Variants in ITGB3 observed in about 807,000 individuals in gnomAD.
ITGB3 encodes integrin subunit beta 3, also known as integrin beta-3.
ITGB3 carries 48 observed loss-of-function variants against 85.8 expected under a neutral mutation model. That is an observed-to-expected ratio of 0.56 (90% CI 0.44 to 0.71). ITGB3 has a LOEUF of 0.71. Among genes scored for constraint, ITGB3 ranks in the 30% least tolerant of loss-of-function variants. The pLI is 0.00. For missense variants in ITGB3, 861 were observed against 1,019.1 expected, an observed-to-expected ratio of 0.84 and a Z score of 2.11; for synonymous variants, 363 against 395.6, an observed-to-expected ratio of 0.92 and a Z score of 0.98.
intron 6 of ITGB3, among the ~76,000 whole-genome samples, chr17:47,287,607 A>T (rs889196345): frequency 6.6e-6 from 1 of 151,748 alleles, no homozygotes. Context: ...AAGACAGAGG[A>T]AAAAAAAGAG....
chr17:47,293,051 A>C (rs1255799638), intron 10 of ITGB3, among the ~76,000 whole-genome samples: 1 of 152,176 alleles, frequency 6.6e-6, no homozygotes, highest in Admixed American at 6.5e-5. Flanking sequence ...TGGCTATTTA[A>C]ATTAACCAAA....
chr17:47,261,793 T>G (rs781441503), intron 1 of ITGB3, among the ~76,000 whole-genome samples: 1 of 152,250 alleles, frequency 6.6e-6, no homozygotes, highest in Non-Finnish European at 1.5e-5. Context: ...GTGCTGGGAT[T>G]ACACGCATAA....
At chr17:47,296,345 T>A (rs1478811705) in intron 10 of ITGB3, among the ~76,000 whole-genome samples, 1 of 152,206 alleles carries the variant, frequency 6.6e-6, no homozygotes, top group East Asian at 1.9e-4. Context: ...GTGATCCTTC[T>A]GCCTTAGTCT....
chr17:47,302,721 A>G lies in ITGB3; in HGVS notation c.2015A>G (p.Lys672Arg). ...RDEIESVKEL[K>R]DTGKDAVNCT... ...ATTCCTCCATTTTCCCTACTCCCAG[A>G]GGACACTGGCAAGGATGCAGTGAAT... The change falls in exon 13 of 15, where the codon AAG (lysine) becomes AGG (arginine). Residue 672 changes from lysine (K) to arginine (R), a missense_variant and splice_region_variant. By Grantham distance (26) the Lys-to-Arg change is conservative. Coordinates refer to ENST00000559488, the MANE Select transcript of ITGB3 (RefSeq NM_000212.3). 4 of 1,614,144 alleles carry G rather than the reference A, an allele frequency of 2.5e-6. No individual in the cohort carries two copies. The highest frequency in any genetic ancestry group is 3.4e-6 in the Non-Finnish European group (4 of 1,179,982).
Position 47,291,027 on chromosome 17 carries a change from G to T in ITGB3, c.1199G>T (p.Cys400Phe). 1 of 1,614,080 alleles carries T rather than the reference G, an allele frequency of 6.2e-7. No homozygotes were observed. The highest frequency in any genetic ancestry group is 8.5e-7 in the Non-Finnish European group (1 of 1,179,962). The part of the protein sequence containing the change: ...EELSLSFNAT[C>F]LNNEVIPGLK... ...TTGTCTCTATCCTTCAATGCCACCT[G>T]CCTCAACAATGAGGTCATCCCTGGC... Residue 400 changes from cysteine to phenylalanine, a missense_variant, in exon 9 of 15, where the codon TGC (cysteine) becomes TTC (phenylalanine). Transcript: ENST00000559488.
At chr17:47,294,707 C>G (rs1280363593) in intron 10 of ITGB3, among the ~76,000 whole-genome samples, 1 of 152,226 alleles carries the variant, frequency 6.6e-6, no homozygotes, top group East Asian at 1.9e-4. Flanking sequence ...AGCACTTGCT[C>G]TGTGCCATCA....
intron 2 of ITGB3, among the ~76,000 whole-genome samples, chr17:47,278,444 G>A (rs1028173329): frequency 3.9e-5 from 6 of 152,262 alleles, no homozygotes; most frequent in African/African-American, 1.4e-4. Context: ...GCTGGGCGTG[G>A]TGGCGCAGGC....
rs1380267799 is a variant in ITGB3, at chr17:47,286,377, C to T, written c.732C>T (p.Ala244=). Reference sequence around the variant, plus strand: ...AGAGTGTGTCACGGAACCGAGATGCCCCAGAGGGTGGCTTTGATGCCATCA... The same window carrying T: ...AGAGTGTGTCACGGAACCGAGATGCTCCAGAGGGTGGCTTTGATGCCATCA... ...KKQSVSRNRD[A]PEGGFDAIMQ... The change falls in exon 5 of 15, where the codon GCC becomes GCT. Residue 244 remains alanine (A), a synonymous_variant. Transcript: ENST00000559488. 1 of 1,614,116 alleles carries T rather than the reference C, an allele frequency of 6.2e-7. No individual in the cohort carries two copies. The highest frequency in any genetic ancestry group is 8.5e-7 in the Non-Finnish European group (1 of 1,180,030).
At chr17:47,272,724 TTTC>T (rs2065049708) in intron 1 of ITGB3, among the ~76,000 whole-genome samples, 2 of 126,496 alleles carry the variant, frequency 1.6e-5, no homozygotes, top group Admixed American at 7.5e-5. Flanking sequence ...TCTTTCTTTC[TTTC>T]GTTCTTTCTT....
At chr17:47,278,355 C>T (rs1376879420) in intron 2 of ITGB3, among the ~76,000 whole-genome samples, 1 of 152,140 alleles carries the variant, frequency 6.6e-6, no homozygotes, top group Non-Finnish European at 1.5e-5. Context: ...CCAAAGTGGG[C>T]AGATCACTTG....
chr17:47,257,955 C>T (rs769029995), intron 1 of ITGB3, among the ~76,000 whole-genome samples: 2 of 152,134 alleles, frequency 1.3e-5, no homozygotes, highest in Non-Finnish European at 2.9e-5. Context: ...ATTTCCTGAT[C>T]GAAATTTCTC....
intron 1 of ITGB3, among the ~76,000 whole-genome samples, chr17:47,257,154 T>C (rs1304643018): frequency 6.6e-6 from 1 of 152,242 alleles, no homozygotes; most frequent in Non-Finnish European, 1.5e-5. Flanking sequence ...ATTCTTCCTA[T>C]CCATGCTATC....
Position 47,302,783 on chromosome 17 carries a change from T to G in ITGB3, c.2077T>G (p.Phe693Val). The G allele has an allele frequency of 6.2e-7, 1 of 1,614,134 alleles. No individual in the cohort carries two copies. ...YKNEDDCVVRFQYYEDSSGKS... is the reference protein window; with the variant it reads ...YKNEDDCVVRVQYYEDSSGKS... ...GAATGAGGATGACTGTGTCGTCAGA[T>G]TCCAGTACTATGAAGATTCTAGTGG... The change falls in exon 13 of 15, where the codon TTC becomes GTC. Residue 693 changes from phenylalanine to valine, a missense_variant. By Grantham distance (50) the Phe-to-Val change is conservative (BLOSUM62 -1). Coordinates refer to ENST00000559488, the MANE Select transcript of ITGB3 (RefSeq NM_000212.3).
Position 47,299,777 on chromosome 17 carries a change from C to A in ITGB3, c.1913+247C>A, listed in dbSNP as rs115013712. On this transcript the variant is annotated intron_variant, in intron 11 of 14. Coordinates refer to ENST00000559488, the MANE Select transcript of ITGB3 (RefSeq NM_000212.3). The surrounding 1 kb of genome is among the most constrained non-coding windows in gnomAD (Gnocchi z 5.1). The stretch of plus-strand genomic sequence containing the variant: ...AGAATGTCCTCTCCTAGGGTGACAT[C>A]CTGACTCCCTCTGAGCTGGGAGGAA... 7.6e-3 allele frequency among the ~76,000 whole-genome samples: 1,152 copies of A among 152,330 alleles called. 18 individuals are homozygous for A. The highest frequency in any genetic ancestry group is 0.025 in the African/African-American group (1,059 of 41,578).
At position 47,300,340 on chromosome 17, in the gene ITGB3, C is replaced by CGTGTGT. The variant is rs781123948; in HGVS notation, c.1914-137_1914-136insTGTGTG. On this transcript the variant is annotated intron_variant, in intron 11 of 14. Coordinates refer to ENST00000559488, the MANE Select transcript of ITGB3 (RefSeq NM_000212.3). Reference sequence around the variant, plus strand: ...TCCCCAGGATTGTCTTACAGGCGCGCGCGCGCGTGTGTGTGTGTGTGTGTG... The same window carrying CGTGTGT: ...TCCCCAGGATTGTCTTACAGGCGCGCGTGTGTGCGCGCGTGTGTGTGTGTGTGTGTG... 6.9e-3 allele frequency: 3,486 copies of CGTGTGT among 506,890 alleles called. 6 individuals are homozygous for CGTGTGT. The highest frequency in any genetic ancestry group is 0.011 in the Middle Eastern group (23 of 2,178). The allele number at this position is 506,890 out of a possible 1,614,324, so 31.4% of individuals were successfully genotyped here. A position where few individuals can be genotyped will look rare whatever the true frequency, so the allele number is the denominator to read the frequency against.
In ITGB3 at chr17:47,292,149, G is replaced by T; in HGVS notation, c.1271G>T (p.Ser424Ile). ...GLKIGDTVSF[S>I]IEAKVRGCPQ... ...TTTCTTTCCATCCAGGTGAGCTTCA[G>T]CATTGAGGCCAAGGTGCGAGGCTGT... is the stretch of plus-strand genomic sequence containing the variant. The change falls in exon 10 of 15, where the codon AGC becomes ATC. Residue 424 changes from serine to isoleucine, a missense_variant. Transcript: ENST00000559488. 1.2e-6 allele frequency: 2 copies of T among 1,614,202 alleles called. No individual in the cohort carries two copies. The highest frequency in any genetic ancestry group is 1.7e-6 in the Non-Finnish European group (2 of 1,180,018).
chr17:47,266,010 C>A (rs1340013377), intron 1 of ITGB3, among the ~76,000 whole-genome samples: 1 of 152,154 alleles, frequency 6.6e-6, no homozygotes, highest in Non-Finnish European at 1.5e-5. Context: ...AAGGAAGGAC[C>A]AAAATTAAAA....
In ITGB3 at chr17:47,312,903, T is replaced by G. The variant is rs1010671036; in HGVS notation, c.*2699T>G. 1.3e-5 allele frequency among the ~76,000 whole-genome samples: 2 copies of G among 149,162 alleles called. No homozygotes were observed. Among genetic ancestry groups the G allele is most frequent in the African/African-American group, 5.2e-5 (2 of 38,702 alleles). On this transcript the variant is annotated 3_prime_UTR_variant, in exon 15 of 15. Transcript: ENST00000559488. ...GATCTGTGGACAATAACGGAAAACTTTGAATATTCCTGACAAGTTGCCATA... is the reference window on the plus strand; with the variant it reads ...GATCTGTGGACAATAACGGAAAACTGTGAATATTCCTGACAAGTTGCCATA...
At chr17:47,280,668 T>C (rs1598688092) in intron 2 of ITGB3, among the ~76,000 whole-genome samples, 2 of 152,298 alleles carry the variant, frequency 1.3e-5, no homozygotes, top group East Asian at 3.9e-4. Context: ...GTTACAGGGC[T>C]TTTGAGTATG....
Sources: allele counts gnomAD v4.1 joint callset (sites outside exome capture counted in the v4.1 genomes callset), GRCh38; gene constraint gnomAD v4.1.1; non-coding constraint Gnocchi (gnomAD v3.1); transcripts MANE v1.5; gene names NCBI Gene and HGNC (gene_info 2026-07-23, HGNC 2026-07-21).